Variants in MCC observed in about 807,000 individuals in gnomAD.
MCC encodes the protein colorectal mutant cancer protein.
In MCC, 90 loss-of-function variants were observed where a neutral mutation model predicts 116.2. The ratio of observed to expected loss-of-function variants is 0.77; its 90% CI spans 0.65 to 0.92. The LOEUF (loss-of-function observed/expected upper bound fraction) is 0.92, where lower values mean the gene tolerates loss of function less well. MCC is among the 40% of genes least tolerant of loss of function. The pLI is 0.00. For synonymous variants in MCC, 578 were observed against 510.5 expected (o/e 1.13, Z -1.78); for missense variants, 1,516 against 1,312.2 (o/e 1.16, Z -2.40).
At chr5:113,409,665 G>A (rs1035022597) in intron 1 of MCC, among the ~76,000 whole-genome samples, 2 of 152,066 alleles carry the variant, frequency 1.3e-5, no homozygotes, top group Non-Finnish European at 2.9e-5. Flanking sequence ...ATATTTGAAT[G>A]TTACACATAA....
At chr5:113,404,771 A>G (rs1194192973) in intron 1 of MCC, among the ~76,000 whole-genome samples, 4 of 152,058 alleles carry the variant, frequency 2.6e-5, no homozygotes, top group Admixed American at 6.5e-5. Flanking sequence ...CAAAATAACA[A>G]AGCAGCTCTG....
At chr5:113,083,980 T>A (rs1046203995) in intron 10 of MCC, 121 bp downstream of exon 10, 26 of 721,416 alleles carry the variant, frequency 3.6e-5, no homozygotes, top group Non-Finnish European at 6.3e-5. Flanking sequence ...CAGGTATGAT[T>A]TACTATTATA....
chr5:113,144,777 T>A (rs954639591), intron 4 of MCC, among the ~76,000 whole-genome samples: 1 of 152,248 alleles, frequency 6.6e-6, no homozygotes, highest in East Asian at 1.9e-4. Context: ...AACAAGGTTG[T>A]TGAATGCTTT....
chr5:113,070,573 C>A (rs1045547715), intron 12 of MCC, among the ~76,000 whole-genome samples: 5 of 152,014 alleles, frequency 3.3e-5, no homozygotes, highest in African/African-American at 1.2e-4. Flanking sequence ...GGAAAATATT[C>A]AAAAGAATGA....
At chr5:113,428,049 C>A (rs1770529574) in intron 1 of MCC, among the ~76,000 whole-genome samples, 1 of 152,112 alleles carries the variant, frequency 6.6e-6, no homozygotes, top group Admixed American at 6.6e-5. Flanking sequence ...ATTAAGTGTA[C>A]AATGGGGTCT....
chr5:113,117,991 C>T (rs1441759058), intron 6 of MCC, among the ~76,000 whole-genome samples: 4 of 152,140 alleles, frequency 2.6e-5, no homozygotes, highest in African/African-American at 9.7e-5. Context: ...CTGTTTAAAC[C>T]GAGGAGTATC....
chr5:113,109,456 T>C (rs1275726459), intron 6 of MCC, among the ~76,000 whole-genome samples: 2 of 151,996 alleles, frequency 1.3e-5, no homozygotes, highest in African/African-American at 2.4e-5. Flanking sequence ...AAGACGCAAA[T>C]GCAGAGACAG....
At chr5:113,236,962 A>G (rs1764158392) in intron 3 of MCC, among the ~76,000 whole-genome samples, 2 of 152,222 alleles carry the variant, frequency 1.3e-5, no homozygotes, top group Admixed American at 6.5e-5. Flanking sequence ...GAAAGAAATT[A>G]GACTCTGAAT....
At chr5:113,072,885 A>G (rs1315908392) in intron 11 of MCC, among the ~76,000 whole-genome samples, 3 of 151,960 alleles carry the variant, frequency 2.0e-5, no homozygotes, top group Non-Finnish European at 4.4e-5. Context: ...TCACATTGCC[A>G]CCTCTAGTTT....
intron 3 of MCC, among the ~76,000 whole-genome samples, chr5:113,265,964 T>C (rs1388299623): frequency 2.0e-5 from 3 of 152,058 alleles, no homozygotes. Flanking sequence ...TGCCATAATA[T>C]AGGTAGGGAA....
chr5:113,293,902 C>T (rs1487011094), intron 3 of MCC, among the ~76,000 whole-genome samples: 5 of 152,088 alleles, frequency 3.3e-5, no homozygotes, highest in Non-Finnish European at 7.3e-5. Context: ...TGAAATAATC[C>T]AATGCGTCCC....
chr5:113,153,047 T>C (rs749316917), intron 3 of MCC, among the ~76,000 whole-genome samples: 10 of 152,172 alleles, frequency 6.6e-5, no homozygotes, highest in African/African-American at 1.4e-4. Flanking sequence ...CCTTTGATGG[T>C]TGGTTGCCCC....
intron 3 of MCC, among the ~76,000 whole-genome samples, chr5:113,302,823 C>A (rs958657969): frequency 5.9e-5 from 9 of 152,170 alleles, no homozygotes; most frequent in African/African-American, 2.2e-4. Flanking sequence ...GATAATTATT[C>A]CTTCTGTGTA....
rs369394649 is a variant in MCC at position 113,424,874 on chromosome 5, G to GA, written c.171-39663dup. 8.5e-3 allele frequency among the ~76,000 whole-genome samples: 1,275 copies of GA among 149,176 alleles called. 21 individuals carry two copies. The highest frequency in any genetic ancestry group is 0.03 in the African/African-American group (1,219 of 40,734). ...AAAATAGAACAGCAATGCTAGGAGT[G>GA]AAAAAAAAAGAACTAGAAAATATGA... On this transcript the variant is annotated intron_variant, in intron 1 of 18. Coordinates refer to ENST00000408903, the MANE Select transcript of MCC (RefSeq NM_001085377.2).
chr5:113,446,623 G>A (rs943434775), intron 1 of MCC, among the ~76,000 whole-genome samples: 4 of 152,066 alleles, frequency 2.6e-5, no homozygotes, highest in African/African-American at 7.2e-5. Flanking sequence ...GTAGAGAAAA[G>A]GGGATGCTAA....
intron 3 of MCC, among the ~76,000 whole-genome samples, chr5:113,171,679 C>T (rs1318703405): frequency 6.6e-6 from 1 of 152,132 alleles, no homozygotes; most frequent in East Asian, 1.9e-4. Flanking sequence ...CCTCTTTAAC[C>T]CAGAACATCT....
At chr5:113,260,099 A>T (rs1049026113) in intron 3 of MCC, among the ~76,000 whole-genome samples, 5 of 152,124 alleles carry the variant, frequency 3.3e-5, no homozygotes, top group Non-Finnish European at 7.4e-5. Context: ...AAAACTCCTT[A>T]AACGCAGAAG....
At chr5:113,317,233 A>G (rs765213178) in intron 3 of MCC, among the ~76,000 whole-genome samples, 6 of 152,238 alleles carry the variant, frequency 3.9e-5, no homozygotes, top group East Asian at 1.9e-4. Context: ...GACACACTTT[A>G]GCATATGAAT....
intron 5 of MCC, among the ~76,000 whole-genome samples, chr5:113,137,658 T>C (rs982398474): frequency 6.6e-6 from 1 of 152,076 alleles, no homozygotes; most frequent in Non-Finnish European, 1.5e-5. Flanking sequence ...CTGGTGCTTT[T>C]GTTGTTGTTG....
Sources: allele counts gnomAD v4.1 joint callset (sites outside exome capture counted in the v4.1 genomes callset), GRCh38; gene constraint gnomAD v4.1.1; transcripts MANE v1.5; gene names NCBI Gene and HGNC (gene_info 2026-07-23, HGNC 2026-07-21).